Variants in GSK3B observed in about 807,000 individuals in gnomAD.
GSK3B encodes glycogen synthase kinase-3 beta.
Under a neutral mutation model 56.4 loss-of-function variants are expected in GSK3B, and 15 were observed. The ratio of observed to expected loss-of-function variants is 0.27; its 90% CI spans 0.18 to 0.41. The LOEUF (loss-of-function observed/expected upper bound fraction) is 0.41. GSK3B is among the 10% of genes least tolerant of loss of function. The pLI is 1.00. For synonymous variants in GSK3B, 181 were observed against 188.9 expected (o/e 0.96, Z 0.34); for missense variants, 300 against 513.4 (o/e 0.58, Z 4.02).
chr3:119,888,451 C>A (rs541232566), intron 7 of GSK3B, among the ~76,000 whole-genome samples: 1 of 136,578 alleles, frequency 7.3e-6, no homozygotes, highest in East Asian at 2.2e-4. Context: ...CCCAAATTAA[C>A]AGTTCTGTAA....
intron 6 of GSK3B, among the ~76,000 whole-genome samples, chr3:119,910,743 A>G (rs2056727162): frequency 6.6e-6 from 1 of 152,220 alleles, no homozygotes; most frequent in Admixed American, 6.5e-5. Context: ...AATGGGAGTC[A>G]GTCCTCTCAA....
At chr3:119,901,851 A>T (rs970057577) in intron 7 of GSK3B, among the ~76,000 whole-genome samples, 2 of 152,224 alleles carry the variant, frequency 1.3e-5, no homozygotes, top group Non-Finnish European at 2.9e-5. Flanking sequence ...ACCACATAAA[A>T]AAACTTCATA....
In GSK3B at chr3:119,866,109, A is replaced by AT. The variant is rs1442035845; in HGVS notation, c.910-2505dup. The stretch of plus-strand genomic sequence containing the variant: ...TCTCCCACAGTTCAGATTTCTGACC[A>AT]TAATACAGGGTGAGTTAGCATGTAA... On this transcript the variant is annotated intron_variant, in intron 8 of 10. Transcript: ENST00000264235. 5.3e-5 allele frequency among the ~76,000 whole-genome samples: 8 copies of AT among 152,320 alleles called. No homozygotes were observed. In the East Asian group the frequency reaches 1.5e-3, roughly 29 times the overall value.
intron 2 of GSK3B, among the ~76,000 whole-genome samples, chr3:119,956,620 A>T (rs185115497): frequency 6.6e-6 from 1 of 152,322 alleles, no homozygotes; most frequent in Admixed American, 6.5e-5. Flanking sequence ...TAAGAAAAAA[A>T]GTGATCAAAC....
At chr3:119,974,129 A>G (rs1376909121) in intron 2 of GSK3B, among the ~76,000 whole-genome samples, 1 of 152,238 alleles carries the variant, frequency 6.6e-6, no homozygotes, top group Non-Finnish European at 1.5e-5. Flanking sequence ...TTAAAATTAG[A>G]AATGTCTGCT....
intron 7 of GSK3B, among the ~76,000 whole-genome samples, chr3:119,887,875 G>A (rs1308172674): frequency 6.6e-6 from 1 of 151,972 alleles, no homozygotes; most frequent in Non-Finnish European, 1.5e-5. Context: ...TATAGACAGG[G>A]TATATACAGG....
intron 8 of GSK3B, among the ~76,000 whole-genome samples, chr3:119,864,725 CAGTT>C (rs2056154480): frequency 1.3e-5 from 2 of 152,226 alleles, no homozygotes; most frequent in Admixed American, 6.5e-5. Flanking sequence ...CTTATGCTGA[CAGTT>C]AGTAGAACTA....
chr3:120,014,611 G>C (rs1439833287), intron 1 of GSK3B, among the ~76,000 whole-genome samples: 1 of 151,988 alleles, frequency 6.6e-6, no homozygotes, highest in Admixed American at 6.5e-5. Flanking sequence ...AAAATTCCAG[G>C]GCAATTTCTA....
intron 2 of GSK3B, among the ~76,000 whole-genome samples, chr3:119,991,627 T>C (rs2057566326): frequency 6.6e-6 from 1 of 151,748 alleles, no homozygotes; most frequent in Non-Finnish European, 1.5e-5. Flanking sequence ...CACCTAATAA[T>C]TTAAGGCAAT....
chr3:119,952,736 A>G (rs1024419639), intron 2 of GSK3B, among the ~76,000 whole-genome samples: 1 of 151,996 alleles, frequency 6.6e-6, no homozygotes, highest in African/African-American at 2.4e-5. Flanking sequence ...ATTAAAAAAA[A>G]CTATCAACTA....
At chr3:119,984,824 C>G (rs1387488151) in intron 2 of GSK3B, among the ~76,000 whole-genome samples, 1 of 152,160 alleles carries the variant, frequency 6.6e-6, no homozygotes, top group Admixed American at 6.6e-5. Context: ...AGGGGATCCA[C>G]CCTGACTCAT....
chr3:119,900,863 A>G (rs1414778757), intron 7 of GSK3B, among the ~76,000 whole-genome samples: 1 of 152,168 alleles, frequency 6.6e-6, no homozygotes, highest in Non-Finnish European at 1.5e-5. Flanking sequence ...AATATAGTAT[A>G]TGAAAATATT....
At chr3:119,948,155 C>T (rs2057118581) in intron 2 of GSK3B, among the ~76,000 whole-genome samples, 1 of 151,616 alleles carries the variant, frequency 6.6e-6, no homozygotes, top group Admixed American at 6.6e-5. Flanking sequence ...GAAGCAATAC[C>T]AAAATGCCAG....
At chr3:120,025,124 G>A (rs566311273) in intron 1 of GSK3B, among the ~76,000 whole-genome samples, 42 of 152,050 alleles carry the variant, frequency 2.8e-4, no homozygotes, top group East Asian at 3.8e-4. Context: ...TTTGGGAGAC[G>A]GAGGCGGGCA....
rs186190827 is a variant in GSK3B, at chr3:119,835,703, T to C, written c.1195+7552A>G. Among the ~76,000 whole-genome samples, 9 of 152,284 alleles carry C rather than the reference T, an allele frequency of 5.9e-5. No individual in the cohort carries two copies. The East Asian group carries it at 1.7e-3, about 29-fold the overall frequency. On this transcript the variant is annotated intron_variant, in intron 10 of 10. Coordinates refer to ENST00000264235, the MANE Select transcript of GSK3B (RefSeq NM_001146156.2). ...TTTTTTAAAAAGTTGCAGACTTTTA[T>C]GAAATTTAAAATCTATTTGGGTTAA... is the stretch of plus-strand genomic sequence containing the variant.
At chr3:119,969,618 G>C (rs2057347908) in intron 2 of GSK3B, among the ~76,000 whole-genome samples, 1 of 152,182 alleles carries the variant, frequency 6.6e-6, no homozygotes, top group Non-Finnish European at 1.5e-5. Context: ...AATAAAGACA[G>C]CATGGTACTG....
At chr3:119,952,258 C>G (rs1050046836) in intron 2 of GSK3B, among the ~76,000 whole-genome samples, 1 of 151,778 alleles carries the variant, frequency 6.6e-6, no homozygotes, top group Non-Finnish European at 1.5e-5. Context: ...GAGGCCGAGG[C>G]GGGTGGATTA....
At chr3:120,042,477 G>C (rs971930622) in intron 1 of GSK3B, among the ~76,000 whole-genome samples, 28 of 152,112 alleles carry the variant, frequency 1.8e-4, no homozygotes, top group Non-Finnish European at 3.7e-4. Flanking sequence ...AACTATAAAA[G>C]AGATTATCCC....
chr3:120,001,238 AAG>A (rs1206259444), intron 2 of GSK3B, among the ~76,000 whole-genome samples: 1 of 151,960 alleles, frequency 6.6e-6, no homozygotes, highest in Admixed American at 6.6e-5. Context: ...CTGGTTATTT[AAG>A]AGAGTCTGGG....
Sources: gnomAD v4.1 joint callset for allele counts (sites outside exome capture counted in the v4.1 genomes callset) on GRCh38, gnomAD v4.1.1 for gene constraint, MANE v1.5 for transcripts, NCBI Gene and HGNC (gene_info 2026-07-23, HGNC 2026-07-21) for gene names.